SCAPER: variants seen among roughly 807,000 people sequenced by gnomAD.
SCAPER encodes the protein S-phase cyclin A associated protein in the ER, also known as S phase cyclin A-associated protein in the endoplasmic reticulum.
SCAPER carries 98 observed loss-of-function variants against 182.2 expected under a neutral mutation model. That is an observed-to-expected ratio of 0.54 (90% CI 0.46 to 0.64). SCAPER has a LOEUF of 0.64. Among genes scored for constraint, SCAPER ranks in the 30% least tolerant of loss-of-function variants. SCAPER has a pLI of 0.00. For missense variants in SCAPER, 1,432 were observed against 1,690.0 expected, an observed-to-expected ratio of 0.85 and a Z score of 2.68; for synonymous variants, 605 against 564.6, an observed-to-expected ratio of 1.07 and a Z score of -1.01.
At chr15:76,437,534 C>A (rs1451425297) in intron 25 of SCAPER, among the ~76,000 whole-genome samples, 1 of 152,172 alleles carries the variant, frequency 6.6e-6, no homozygotes, top group African/African-American at 2.4e-5. Context: ...ATACAACTTT[C>A]TTTTTCTTTT....
At chr15:76,435,938 C>A in intron 25 of SCAPER, among the ~76,000 whole-genome samples, 1 of 152,104 alleles carries the variant, frequency 6.6e-6, no homozygotes, top group Non-Finnish European at 1.5e-5. Flanking sequence ...TATAGATTTT[C>A]TTTTATTTAT....
chr15:76,735,195 T>C (rs184687381), intron 15 of SCAPER, among the ~76,000 whole-genome samples: 1 of 151,370 alleles, frequency 6.6e-6, no homozygotes, highest in Non-Finnish European at 1.5e-5. Context: ...TATAAATATA[T>C]ACAGATAGAT....
intron 21 of SCAPER, among the ~76,000 whole-genome samples, chr15:76,628,598 T>C (rs961370616): frequency 2.6e-5 from 4 of 152,178 alleles, no homozygotes. Context: ...GTGGCCTTAT[T>C]TCTGGGCTCT....
chr15:76,716,534 A>G (rs1253311610), intron 17 of SCAPER, among the ~76,000 whole-genome samples: 3 of 152,160 alleles, frequency 2.0e-5, no homozygotes, highest in Non-Finnish European at 4.4e-5. Context: ...AGTGAAACAT[A>G]AGAGAATAAA....
intron 2 of SCAPER, among the ~76,000 whole-genome samples, chr15:76,876,822 A>C (rs541104600): frequency 6.6e-6 from 1 of 152,360 alleles, no homozygotes; most frequent in South Asian, 2.1e-4. Flanking sequence ...TATTATATTG[A>C]AAGTCCTAGC....
rs1301785899 is a variant in SCAPER, at chr15:76,594,614, C to T, written c.2712-20330G>A. 7.4e-5 allele frequency among the ~76,000 whole-genome samples: 9 copies of T among 121,786 alleles called. 3 individuals carry two copies. Among genetic ancestry groups the T allele is most frequent in the Non-Finnish European group, 1.8e-4 (9 of 50,174 alleles). 79.9% of individuals were successfully genotyped at this position (121,786 alleles called of 152,430 possible). ...TATCCACAAAGGGAAGCCCATCAGA[C>T]TAACAGCGGATCTCTCTGCAGAAAC... On this transcript the variant is annotated intron_variant, in intron 22 of 31. Coordinates refer to ENST00000563290, the MANE Select transcript of SCAPER (RefSeq NM_020843.4).
intron 4 of SCAPER, among the ~76,000 whole-genome samples, chr15:76,844,029 G>A (rs578106828): frequency 4.6e-5 from 7 of 152,086 alleles, no homozygotes; most frequent in Admixed American, 3.3e-4. Flanking sequence ...TTTTACAGAG[G>A]AGGAAACAGG....
At chr15:76,739,354 G>A (rs373151328) in intron 15 of SCAPER, among the ~76,000 whole-genome samples, 11 of 152,222 alleles carry the variant, frequency 7.2e-5, no homozygotes, top group East Asian at 3.9e-4. Flanking sequence ...TTAGTAAGTT[G>A]AGAACTTTCA....
At chr15:76,759,938 T>C (rs915592328) in intron 14 of SCAPER, among the ~76,000 whole-genome samples, 1 of 152,192 alleles carries the variant, frequency 6.6e-6, no homozygotes, top group Non-Finnish European at 1.5e-5. Context: ...CTTGTGTTTC[T>C]ATCTAGATTT....
chr15:76,687,773 T>C (rs1369960669), intron 20 of SCAPER, among the ~76,000 whole-genome samples: 1 of 152,220 alleles, frequency 6.6e-6, no homozygotes, highest in African/African-American at 2.4e-5. Flanking sequence ...CATGAACTCA[T>C]CCTTTTTTAT....
At chr15:76,904,384 A>G (rs1043848304) in intron 1 of SCAPER, among the ~76,000 whole-genome samples, 1 of 152,250 alleles carries the variant, frequency 6.6e-6, no homozygotes, top group Non-Finnish European at 1.5e-5. Flanking sequence ...ATAAGGAATT[A>G]GTATCTGTTC....
intron 27 of SCAPER, among the ~76,000 whole-genome samples, chr15:76,396,250 G>A (rs1194729660): frequency 6.6e-6 from 1 of 152,202 alleles, no homozygotes; most frequent in Non-Finnish European, 1.5e-5. Flanking sequence ...ATAAAGTCAA[G>A]TAATGTGATT....
intron 25 of SCAPER, among the ~76,000 whole-genome samples, chr15:76,446,916 T>A (rs2048038895): frequency 6.6e-6 from 1 of 152,232 alleles, no homozygotes; most frequent in African/African-American, 2.4e-5. Context: ...TGTTTCACTT[T>A]CAGTACATGA....
intron 17 of SCAPER, among the ~76,000 whole-genome samples, chr15:76,711,629 C>T (rs1157539410): frequency 6.6e-6 from 1 of 152,140 alleles, no homozygotes; most frequent in East Asian, 1.9e-4. Flanking sequence ...GATTGCCATT[C>T]TAACTGGTGT....
At chr15:76,452,667 G>A (rs1268100982) in intron 25 of SCAPER, among the ~76,000 whole-genome samples, 2 of 152,150 alleles carry the variant, frequency 1.3e-5, no homozygotes, top group Non-Finnish European at 2.9e-5. Context: ...CTAGTTTTAA[G>A]TTATTCTGTG....
At chr15:76,825,177 T>C (rs952948218) in intron 5 of SCAPER, among the ~76,000 whole-genome samples, 1 of 152,224 alleles carries the variant, frequency 6.6e-6, no homozygotes, top group African/African-American at 2.4e-5. Context: ...TATGCTTTTA[T>C]TCAGCCTCAA....
intron 16 of SCAPER, among the ~76,000 whole-genome samples, chr15:76,732,572 C>T (rs905563863): frequency 1.3e-5 from 2 of 152,020 alleles, no homozygotes; most frequent in African/African-American, 2.4e-5. Context: ...CCAAGCGGAC[C>T]GTGGTCTAGC....
chr15:76,662,032 G>A (rs1462407991), intron 21 of SCAPER, among the ~76,000 whole-genome samples: 1 of 152,120 alleles, frequency 6.6e-6, no homozygotes, highest in Non-Finnish European at 1.5e-5. Context: ...TCCTTTGCAG[G>A]GACATGGATG....
Position 76,484,412 on chromosome 15 carries a change from A to T in SCAPER, c.2955-13077T>A, listed in dbSNP as rs1419406103. Among the ~76,000 whole-genome samples the T allele has an allele frequency of 3.3e-5, 5 of 152,120 alleles. No homozygotes were observed. In the East Asian group the frequency reaches 9.6e-4, roughly 29 times the overall value. ...CTAGAAGAAATGAAAAAATTCCTGG[A>T]TACATACACCCTCTCAAAACTGAAC... is the stretch of plus-strand genomic sequence containing the variant. On this transcript the variant is annotated intron_variant, in intron 24 of 31. Coordinates refer to ENST00000563290, the MANE Select transcript of SCAPER (RefSeq NM_020843.4).
Sources: gnomAD v4.1 joint callset for allele counts (sites outside exome capture counted in the v4.1 genomes callset) on GRCh38, gnomAD v4.1.1 for gene constraint, MANE v1.5 for transcripts, NCBI Gene and HGNC (gene_info 2026-07-23, HGNC 2026-07-21) for gene names.